The following BIRC6 variants were observed in gnomAD, a reference collection of about 807,000 sequenced individuals.
BIRC6 encodes dual E2 ubiquitin-conjugating enzyme/E3 ubiquitin-protein ligase BIRC6.
A neutral mutation model predicts 503.3 loss-of-function variants in BIRC6; 98 were observed. That is an observed-to-expected ratio of 0.19 (90% confidence interval 0.17 to 0.23). The LOEUF (loss-of-function observed/expected upper bound fraction) is 0.23, where lower values mean the gene tolerates loss of function less well. BIRC6 is among the 10% of genes least tolerant of loss of function. The pLI is 1.00. For missense variants in BIRC6, 5,360 were observed against 5,806.0 expected (o/e 0.92, Z 2.50); for synonymous variants, 2,240 against 2,078.7 (o/e 1.08, Z -2.11).
chr2:32,598,630 TA>T (rs1216692582), intron 69 of BIRC6, among the ~76,000 whole-genome samples: 6 of 152,206 alleles, frequency 3.9e-5, no homozygotes, highest in African/African-American at 1.4e-4. Flanking sequence ...AAACTTTCTT[TA>T]TATTTATGAT....
At chr2:32,521,136 T>C (rs1054512783) in intron 57 of BIRC6, among the ~76,000 whole-genome samples, 2 of 152,026 alleles carry the variant, frequency 1.3e-5, no homozygotes, top group Non-Finnish European at 2.9e-5. Flanking sequence ...TTCTTTAAAG[T>C]GGATTTATAC....
intron 63 of BIRC6, among the ~76,000 whole-genome samples, chr2:32,547,358 T>G (rs986241367): frequency 6.6e-6 from 1 of 152,196 alleles, no homozygotes; most frequent in African/African-American, 2.4e-5. Context: ...AAGCAGTTTC[T>G]CTCCATTTAC....
At chr2:32,468,220 G>T (rs1489975667) in intron 28 of BIRC6, 109 bp downstream of exon 28, 33 of 1,174,860 alleles carry the variant, frequency 2.8e-5, no homozygotes, top group Non-Finnish European at 3.7e-5. Context: ...AGATAAGAGA[G>T]CAAGAGGAAG....
Position 32,508,199 on chromosome 2 carries a change from C to T in BIRC6, c.9920C>T (p.Thr3307Ile). The T allele has an allele frequency of 1.9e-6, 3 of 1,612,158 alleles. No homozygotes were observed. The highest frequency in any genetic ancestry group is 2.5e-6 in the Non-Finnish European group (3 of 1,179,532). ...TTGGGGCTCACTGCTTTTGGTACCACCTCTTCTGCAACAGTTAATAATCCA... is the reference window on the plus strand; with the variant it reads ...TTGGGGCTCACTGCTTTTGGTACCATCTCTTCTGCAACAGTTAATAATCCA... ...KLLGLTAFGTTSSATVNNPFL... is the reference protein window; with the variant it reads ...KLLGLTAFGTISSATVNNPFL... Residue 3307 changes from threonine (T) to isoleucine (I), a missense_variant, in exon 51 of 74, where the codon ACC becomes ATC. Thr to Ile is a moderately conservative substitution (Grantham distance 89). Coordinates refer to ENST00000421745, the MANE Select transcript of BIRC6 (RefSeq NM_016252.4).
intron 30 of BIRC6, 35 bp from the exon 31 acceptor site, chr2:32,470,133 C>T: frequency 7.1e-7 from 1 of 1,411,882 alleles, no homozygotes; most frequent in South Asian, 1.6e-5. Context: ...CGAATTGATT[C>T]TTATTCTTTT....
chr2:32,489,343 A>G (rs907226664), intron 42 of BIRC6, among the ~76,000 whole-genome samples: 3 of 152,004 alleles, frequency 2.0e-5, no homozygotes, highest in African/African-American at 7.2e-5. Context: ...AGCTCCACTG[A>G]GTCACGCACA....
intron 56 of BIRC6, 91 bp downstream of exon 56, chr2:32,518,488 CG>C (rs1553479319): frequency 7.6e-7 from 1 of 1,323,898 alleles, no homozygotes; most frequent in Non-Finnish European, 1.0e-6. Context: ...GTTCTAACTT[CG>C]AGTATAGCAA....
rs1245743605 is a variant in BIRC6, at chr2:32,415,425, A to G, written c.2134A>G (p.Lys712Glu). ...TGAGAAGTGGAACTCTGTGTTTCCC[A>G]AGCCTGGGACTTTGGTTCAGTGCTT... ...DSEKWNSVFPKPGTLVQCLRL... is the reference protein window; with the variant it reads ...DSEKWNSVFPEPGTLVQCLRL... The change falls in exon 10 of 74, where the codon AAG (lysine) becomes GAG (glutamate). Residue 712 changes from lysine to glutamate, a missense_variant. Physicochemically the swap from Lys to Glu is moderately conservative, Grantham distance 56. This residue lies in a region of BIRC6 where 700 missense variants were observed against 739.3 expected (regional missense o/e 0.95). Coordinates refer to ENST00000421745, the MANE Select transcript of BIRC6 (RefSeq NM_016252.4). The G allele has an allele frequency of 1.2e-6, 2 of 1,614,014 alleles. No individual in the cohort carries two copies. Among genetic ancestry groups the G allele is most frequent in the African/African-American group, 2.7e-5 (2 of 75,046 alleles).
At chr2:32,521,364 T>TAAA (rs1558961261) in intron 57 of BIRC6, among the ~76,000 whole-genome samples, 1 of 1,056 alleles carries the variant, frequency 9.5e-4, no homozygotes, top group African/African-American at 1.9e-3. Context: ...AGACCTCATC[T>TAAA]CAAAAAAAAA....
At chr2:32,409,608 G>A (rs973831570) in intron 9 of BIRC6, among the ~76,000 whole-genome samples, 4 of 152,162 alleles carry the variant, frequency 2.6e-5, no homozygotes, top group Non-Finnish European at 4.4e-5. Context: ...AGTATACATG[G>A]CTTCTTGTGA....
rs138288667 is a variant in BIRC6, at chr2:32,411,193, C to T, written c.1478-3576C>T. ...AGCTGGTATTACAGGCACATGCCAC[C>T]ACGCTTGGCTAATTTTGTATTTTTA... On this transcript the variant is annotated intron_variant, in intron 9 of 73. Transcript: ENST00000421745. Among the ~76,000 whole-genome samples, 267 of 151,842 alleles carry T rather than the reference C, an allele frequency of 1.8e-3. 1 individual carries two copies. The highest frequency in any genetic ancestry group is 6.0e-3 in the African/African-American group (249 of 41,444).
In BIRC6 at chr2:32,507,991, T is replaced by C; in HGVS notation, c.9712T>C (p.Ser3238Pro). 6.2e-7 allele frequency: 1 copy of C among 1,613,146 alleles called. No individual in the cohort carries two copies. Among genetic ancestry groups the C allele is most frequent in the South Asian group, 1.1e-5 (1 of 91,008 alleles). The change falls in exon 51 of 74, where the codon TCA becomes CCA. Residue 3238 changes from serine to proline, a missense_variant. Transcript: ENST00000421745. ...HLASLATCPSSVSVEVSADGV... is the reference protein window; with the variant it reads ...HLASLATCPSPVSVEVSADGV... ...TTCTCTTTTTATAGCCTGCCCTTCC[T>C]CAGTGTCTGTTGAAGTAAGTGCAGA...
At position 32,429,249 on chromosome 2, in the gene BIRC6, AGAAGG is replaced by A. The variant is rs1460465672; in HGVS notation, c.2977_2981del (p.Glu993PhefsTer16). ...TTTCTAAAGGAATAGAACCATCTTC[AGAAGG>A]TTCCAAACCTTTATCAAATCCTTCA... On this transcript the variant is annotated frameshift_variant, in exon 11 of 74. Transcript: ENST00000421745. LOFTEE classifies it high-confidence loss of function. 1.1e-5 allele frequency: 17 copies of A among 1,551,688 alleles called. No homozygotes were observed. The highest frequency in any genetic ancestry group is 1.5e-5 in the Non-Finnish European group (17 of 1,146,968).
chr2:32,543,673 A>G, intron 62 of BIRC6, 132 bp downstream of exon 62: 1 of 813,260 alleles, frequency 1.2e-6, no homozygotes, highest in Non-Finnish European at 1.9e-6. Flanking sequence ...GTGGTAGCTC[A>G]CTTCCAGTAT....
chr2:32,482,650 T>A, intron 39 of BIRC6, 68 bp downstream of exon 39: 2 of 1,554,968 alleles, frequency 1.3e-6, no homozygotes, highest in Non-Finnish European at 1.8e-6. Context: ...ATGTATACTT[T>A]GTCCCTTGAG....
intron 66 of BIRC6, among the ~76,000 whole-genome samples, chr2:32,588,154 GACC>G (rs1157973315): frequency 6.6e-6 from 1 of 152,152 alleles, no homozygotes; most frequent in African/African-American, 2.4e-5. Flanking sequence ...AGGAGTTCAA[GACC>G]AGCCTGGCCA....
At chr2:32,381,332 C>T (rs1299680404) in intron 3 of BIRC6, among the ~76,000 whole-genome samples, 7 of 152,070 alleles carry the variant, frequency 4.6e-5, no homozygotes, top group South Asian at 2.1e-4. Context: ...CTCTGCCTCC[C>T]GGGTTCAAGT....
rs76252772 is a variant in BIRC6, at chr2:32,377,036, C to T, written c.326-552C>T. The stretch of plus-strand genomic sequence containing the variant: ...CTGTCTTTATGCTTATTGAGTTTTG[C>T]AAAAAATGACATCCAATAATTCATT... On this transcript the variant is annotated intron_variant, in intron 1 of 73. Transcript: ENST00000421745. 7.6e-3 allele frequency among the ~76,000 whole-genome samples: 1,151 copies of T among 151,996 alleles called. 8 individuals are homozygous for T. The highest frequency in any genetic ancestry group is 0.021 in the Middle Eastern group (6 of 290).
intron 66 of BIRC6, among the ~76,000 whole-genome samples, chr2:32,579,869 T>C (rs2151130670): frequency 6.6e-6 from 1 of 152,258 alleles, no homozygotes; most frequent in Non-Finnish European, 1.5e-5. Flanking sequence ...CAGATTTTTT[T>C]TTTAATGTCT....
Sources: gnomAD v4.1 joint callset for allele counts (sites outside exome capture counted in the v4.1 genomes callset) on GRCh38, gnomAD v4.1.1 for gene constraint, gnomAD v4.1.1 regional missense constraint, MANE v1.5 for transcripts, NCBI Gene and HGNC (gene_info 2026-07-23, HGNC 2026-07-21) for gene names.